The following JADE2 variants were observed in gnomAD, a reference collection of about 807,000 sequenced individuals.
JADE2 encodes jade family PHD finger 2, also known as E3 ubiquitin-protein ligase Jade-2.
Under a neutral mutation model 85.7 loss-of-function variants are expected in JADE2, and 13 were observed. The ratio of observed to expected loss-of-function variants is 0.15; its 90% CI spans 0.10 to 0.24. The LOEUF is 0.24. Ranked by LOEUF, JADE2 falls within the 10% of genes least tolerant of loss-of-function variation. The pLI is 1.00. For synonymous variants in JADE2, 440 were observed against 456.1 expected (o/e 0.96, Z 0.45); for missense variants, 846 against 1,115.9 (o/e 0.76, Z 3.45).
At chr5:134,536,026 TGTTGATGAAAGCATAAATCAA>T (rs1329924835) in intron 2 of JADE2, 111 bp downstream of exon 2, 44 of 907,046 alleles carry the variant, frequency 4.9e-5, no homozygotes, top group South Asian at 5.6e-5. Flanking sequence ...CTAAGAGGCA[TGTTGATGAAAGCATAAATCAA>T]GTCAGGTTTC....
chr5:134,557,539 A>T (rs1259949274), intron 4 of JADE2, among the ~76,000 whole-genome samples: 2 of 95,236 alleles, frequency 2.1e-5, no homozygotes, highest in African/African-American at 7.7e-5. Context: ...CCTCCCCCGA[A>T]CCCACCACAG....
At chr5:134,526,974 C>G (rs1265240430) in intron 1 of JADE2, among the ~76,000 whole-genome samples, 4 of 152,200 alleles carry the variant, frequency 2.6e-5, no homozygotes, top group African/African-American at 9.6e-5. Flanking sequence ...GGTTCGCGTC[C>G]CGCTTCAGGG....
Position 134,582,287 on chromosome 5 carries a change from A to C in JADE2, c.*2970A>C, listed in dbSNP as rs1171278309. 6.6e-6 allele frequency: 1 copy of C among 152,244 alleles called. No individual in the cohort carries two copies. The allele number at this position is 152,244 out of a possible 1,614,324, so 9.4% of individuals were successfully genotyped here. On this transcript the variant is annotated 3_prime_UTR_variant, in exon 12 of 12. Transcript: ENST00000681547. Reference sequence around the variant, plus strand: ...GAGCCTGACTTAGTGACAGTGTGTGAGCATTTGCAATGTAAGGGCCTCAGC... The same window carrying C: ...GAGCCTGACTTAGTGACAGTGTGTGCGCATTTGCAATGTAAGGGCCTCAGC...
At chr5:134,567,170 G>A (rs1763695112) in intron 9 of JADE2, among the ~76,000 whole-genome samples, 3 of 152,212 alleles carry the variant, frequency 2.0e-5, no homozygotes, top group Non-Finnish European at 2.9e-5. Flanking sequence ...CTCAAGGAAC[G>A]GTGGAGTGGA....
rs1764702374 is a variant in JADE2 at position 134,581,344 on chromosome 5, C to T, written c.*2027C>T. 6.6e-6 allele frequency: 1 copy of T among 152,520 alleles called. No homozygotes were observed. Among genetic ancestry groups the T allele is most frequent in the Non-Finnish European group, 1.5e-5 (1 of 67,928 alleles). The allele number at this position is 152,520 out of a possible 1,614,324, so 9.4% of individuals were successfully genotyped here. ...TGTTTACTGCCTTTGAACAGAACTT[C>T]TTCCTTCCCCATGCTTTGGGTCACC... On this transcript the variant is annotated 3_prime_UTR_variant, in exon 12 of 12. Coordinates refer to ENST00000681547, the MANE Select transcript of JADE2 (RefSeq NM_001388185.1).
intron 2 of JADE2, among the ~76,000 whole-genome samples, chr5:134,537,672 G>A (rs1761680091): frequency 6.6e-6 from 1 of 152,154 alleles, no homozygotes; most frequent in Non-Finnish European, 1.5e-5. Context: ...GGGCATGAAA[G>A]GCTTATTCCA....
At chr5:134,524,660 C>T (rs1760696757), upstream of JADE2, among the ~76,000 whole-genome samples, 1 of 152,170 alleles carries the variant, frequency 6.6e-6, no homozygotes, top group Non-Finnish European at 1.5e-5. Context: ...GCCTTCTCCA[C>T]CCCCCGGAAA....
chr5:134,552,746 C>T (rs1416376555), intron 4 of JADE2, among the ~76,000 whole-genome samples: 3 of 152,052 alleles, frequency 2.0e-5, no homozygotes, highest in Non-Finnish European at 4.4e-5. Flanking sequence ...AGTCTTGGCC[C>T]ACTGAAGCCT....
intron 4 of JADE2, among the ~76,000 whole-genome samples, chr5:134,553,589 T>A (rs1044724423): frequency 6.6e-6 from 1 of 152,028 alleles, no homozygotes; most frequent in Non-Finnish European, 1.5e-5. Flanking sequence ...CCTGACCTCA[T>A]GATCCGCCCT....
chr5:134,524,888 C>T (rs1164855212), upstream of JADE2, among the ~76,000 whole-genome samples: 3 of 152,216 alleles, frequency 2.0e-5, no homozygotes, highest in Non-Finnish European at 2.9e-5. Context: ...TCCCCTCCTG[C>T]CAGCACTTTC....
At chr5:134,543,395 C>T (rs185732281) in intron 3 of JADE2, among the ~76,000 whole-genome samples, 12 of 148,504 alleles carry the variant, frequency 8.1e-5, no homozygotes, top group Non-Finnish European at 1.3e-4. Flanking sequence ...GCCATAGGCC[C>T]GGTGCGGTGG....
intron 4 of JADE2, among the ~76,000 whole-genome samples, chr5:134,552,605 AG>A (rs1210575199): frequency 5.4e-4 from 83 of 152,336 alleles, no homozygotes; most frequent in African/African-American, 1.9e-3. Context: ...ACTTGGCACC[AG>A]GCCTGGCAGA....
intron 4 of JADE2, among the ~76,000 whole-genome samples, chr5:134,557,570 C>T (rs1242053365): frequency 8.6e-6 from 1 of 115,890 alleles, no homozygotes; most frequent in Admixed American, 9.4e-5. Flanking sequence ...GTGATATTCC[C>T]CTTCCTGTGT....
chr5:134,566,087 G>T lies in JADE2; in HGVS notation c.970-29G>T. On this transcript the variant is annotated intron_variant, in intron 8 of 11. Transcript: ENST00000681547. This position sits in a 1 kb window ranked among gnomAD's most constrained non-coding sequence, Gnocchi z 6.7. ...TCCCCTCCCACCAGGCTCCCTCCAT[G>T]TCTGATCCTGCCCCTCCTTTCCCCT... is the stretch of plus-strand genomic sequence containing the variant. 1 of 1,588,454 alleles carries T rather than the reference G, an allele frequency of 6.3e-7. No individual in the cohort carries two copies. Among genetic ancestry groups the T allele is most frequent in the Non-Finnish European group, 8.6e-7 (1 of 1,162,548 alleles).
At position 134,562,509 on chromosome 5, in the gene JADE2, A is replaced by C; in HGVS notation, c.852+142A>C. 38 of 851,792 alleles carry C rather than the reference A, an allele frequency of 4.5e-5. No homozygotes were observed. The highest frequency in any genetic ancestry group is 6.2e-5 in the Non-Finnish European group (35 of 566,090). The allele number at this position is 851,792 out of a possible 1,614,324, so 52.8% of individuals were successfully genotyped here. A position where few individuals can be genotyped will look rare whatever the true frequency, so the allele number is the denominator to read the frequency against. ...TGAGATCGGCCGGGCGCGGTGGCTCACGCCTGTAATCCCAGCATTTTGGGA... is the reference window on the plus strand; with the variant it reads ...TGAGATCGGCCGGGCGCGGTGGCTCCCGCCTGTAATCCCAGCATTTTGGGA... On this transcript the variant is annotated intron_variant, in intron 7 of 11. Transcript: ENST00000681547. This position sits in a 1 kb window ranked among gnomAD's most constrained non-coding sequence, Gnocchi z 4.6.
chr5:134,525,884 A>T lies in JADE2; in HGVS notation c.-128A>T, dbSNP rs1239493821. ...CCTCCCTCGCCGCGACCCCGGATGG[A>T]TGCGCGCCCCCCGCCCTCCCGCGCC... On this transcript the variant is annotated 5_prime_UTR_variant, in exon 1 of 12. An upstream start codon of the reference 5' UTR is lost. Coordinates refer to ENST00000681547, the MANE Select transcript of JADE2 (RefSeq NM_001388185.1). 2.0e-6 allele frequency: 2 copies of T among 985,704 alleles called. No homozygotes were observed. Among genetic ancestry groups the T allele is most frequent in the Non-Finnish European group, 2.4e-6 (2 of 830,482 alleles). 61.1% of individuals were successfully genotyped at this position (985,704 alleles called of 1,614,324 possible). A position where few individuals can be genotyped will look rare whatever the true frequency, so the allele number is the denominator to read the frequency against.
At chr5:134,534,533 T>C (rs1035260756) in intron 1 of JADE2, among the ~76,000 whole-genome samples, 3 of 152,060 alleles carry the variant, frequency 2.0e-5, no homozygotes, top group Admixed American at 1.3e-4. Context: ...AGGAGGGCCA[T>C]CCTGGTCAGC....
At chr5:134,531,896 T>TTTTTTTTTC (rs1761267450) in intron 1 of JADE2, among the ~76,000 whole-genome samples, 1 of 129,904 alleles carries the variant, frequency 7.7e-6, no homozygotes, top group Admixed American at 7.8e-5. Flanking sequence ...TTTTTTTTTT[T>TTTTTTTTTC]TTTTTTTTTT....
intron 5 of JADE2, 59 bp downstream of exon 5, chr5:134,560,049 A>G (rs1581451259): frequency 1.3e-6 from 2 of 1,585,344 alleles, no homozygotes; most frequent in East Asian, 4.5e-5. Flanking sequence ...TTTTCTCCCC[A>G]TCCCGAGAGG....
Sources: allele counts gnomAD v4.1 joint callset (sites outside exome capture counted in the v4.1 genomes callset), GRCh38; gene constraint gnomAD v4.1.1; non-coding constraint Gnocchi (gnomAD v3.1); transcripts MANE v1.5; gene names NCBI Gene and HGNC (gene_info 2026-07-23, HGNC 2026-07-21).